The following TRPM3 variants were observed in gnomAD, a reference collection of about 807,000 sequenced individuals.
TRPM3 encodes the protein transient receptor potential cation channel subfamily M member 3.
TRPM3 carries 77 observed loss-of-function variants against 181.2 expected under a neutral mutation model. That is an observed-to-expected ratio of 0.42 (90% CI 0.35 to 0.51). TRPM3 has a LOEUF of 0.51. TRPM3 is among the 20% of genes least tolerant of loss of function. TRPM3 has a pLI of 0.01. For missense variants in TRPM3, 1,759 were observed against 2,196.7 expected (o/e 0.80, Z 3.98); for synonymous variants, 745 against 796.4 (o/e 0.94, Z 1.09).
At chr9:70,540,729 T>A (rs2131639867) in intron 25 of TRPM3, among the ~76,000 whole-genome samples, 1 of 152,276 alleles carries the variant, frequency 6.6e-6, no homozygotes, top group Middle Eastern at 3.4e-3. Flanking sequence ...TATTTTTATT[T>A]TATTTTTTCC....
intron 9 of TRPM3, among the ~76,000 whole-genome samples, chr9:70,641,315 A>G (rs1171285696): frequency 6.6e-6 from 1 of 152,190 alleles, no homozygotes; most frequent in Non-Finnish European, 1.5e-5. Context: ...CTCAAGTTTG[A>G]GAAACTCTGC....
chr9:71,020,478 A>G (rs1004024898), intron 1 of TRPM3, among the ~76,000 whole-genome samples: 2 of 124,176 alleles, frequency 1.6e-5, no homozygotes, highest in East Asian at 5.6e-4. Flanking sequence ...CCCCGTCTTG[A>G]AAAAAAAAAA....
rs1461667103 is a variant in TRPM3, at chr9:70,591,281, G to C, written c.3049-76C>G. ...GAGTGTTCTTATAATTGCTGACAATGATGGGAACCTTTGGAGGAGGTCCAC... is the reference window on the plus strand; with the variant it reads ...GAGTGTTCTTATAATTGCTGACAATCATGGGAACCTTTGGAGGAGGTCCAC... On this transcript the variant is annotated intron_variant, in intron 21 of 25. Coordinates refer to ENST00000677713, the MANE Select transcript of TRPM3 (RefSeq NM_001366145.2). 7 of 1,309,658 alleles carry C rather than the reference G, an allele frequency of 5.3e-6. No individual in the cohort carries two copies. In the East Asian group the frequency reaches 1.2e-4, roughly 22 times the overall value. The allele number at this position is 1,309,658 out of a possible 1,614,324, so 81.1% of individuals were successfully genotyped here. A position where few individuals can be genotyped will look rare whatever the true frequency, so the allele number is the denominator to read the frequency against.
intron 8 of TRPM3, among the ~76,000 whole-genome samples, chr9:70,745,095 C>T (rs1224837439): frequency 6.6e-6 from 1 of 152,116 alleles, no homozygotes. Context: ...ACATCATCAT[C>T]ACCATTGTTA....
upstream of TRPM3, among the ~76,000 whole-genome samples, chr9:71,123,927 T>A (rs927296062): frequency 2.0e-5 from 3 of 152,202 alleles, no homozygotes; most frequent in African/African-American, 7.2e-5. Context: ...AATGACAGCA[T>A]CATTCTGAAA....
chr9:70,925,638 C>A (rs565333313), intron 1 of TRPM3, among the ~76,000 whole-genome samples: 7 of 152,090 alleles, frequency 4.6e-5, no homozygotes, highest in African/African-American at 1.7e-4. Flanking sequence ...TTACTTCCCA[C>A]CAATTAAGTT....
intron 3 of TRPM3, among the ~76,000 whole-genome samples, chr9:70,848,023 C>A (rs1055942963): frequency 6.6e-6 from 1 of 151,776 alleles, no homozygotes; most frequent in Non-Finnish European, 1.5e-5. Context: ...GAATGAGAAC[C>A]AATAGAAACA....
chr9:70,591,926 T>C (rs917997040), intron 21 of TRPM3, among the ~76,000 whole-genome samples: 1 of 152,228 alleles, frequency 6.6e-6, no homozygotes, highest in Non-Finnish European at 1.5e-5. Context: ...TCATGCACCC[T>C]AATGACTCAG....
At chr9:70,986,881 G>T (rs2097427328) in intron 1 of TRPM3, among the ~76,000 whole-genome samples, 1 of 151,778 alleles carries the variant, frequency 6.6e-6, no homozygotes, top group Non-Finnish European at 1.5e-5. Flanking sequence ...ACCAAAAGTG[G>T]ATCAGTGTCT....
chr9:71,150,560 C>T (rs563278172), intron 1 of TRPM3, among the ~76,000 whole-genome samples: 9 of 152,100 alleles, frequency 5.9e-5, no homozygotes, highest in African/African-American at 2.2e-4. Context: ...CCAATACTAT[C>T]GAAACAGATC....
chr9:70,753,323 A>G (rs1024303632), intron 8 of TRPM3, among the ~76,000 whole-genome samples: 7 of 152,178 alleles, frequency 4.6e-5, no homozygotes, highest in African/African-American at 1.7e-4. Context: ...AGTATTTAAC[A>G]TATATAAAAA....
chr9:71,164,257 C>A (rs1184685921), intron 1 of TRPM3, among the ~76,000 whole-genome samples: 1 of 152,188 alleles, frequency 6.6e-6, no homozygotes, highest in African/African-American at 2.4e-5. Context: ...TTTGTTTTAA[C>A]AATTTGAAAT....
chr9:71,295,465 GCTTC>G (rs1240090726), intron 1 of TRPM3, among the ~76,000 whole-genome samples: 2 of 150,306 alleles, frequency 1.3e-5, no homozygotes, highest in Non-Finnish European at 3.0e-5. Context: ...ATCTATTTTG[GCTTC>G]CTTTTTTTTT....
intron 1 of TRPM3, among the ~76,000 whole-genome samples, chr9:71,043,259 T>C (rs1425363048): frequency 1.3e-5 from 2 of 152,142 alleles, no homozygotes; most frequent in African/African-American, 2.4e-5. Context: ...TGGTAGTTAG[T>C]GGGTGATTGA....
chr9:70,755,323 C>T (rs1395234369), intron 8 of TRPM3, among the ~76,000 whole-genome samples: 14 of 151,484 alleles, frequency 9.2e-5, no homozygotes, highest in East Asian at 5.8e-4. Flanking sequence ...AAGATCTCTC[C>T]GCAGAAACCC....
intron 8 of TRPM3, among the ~76,000 whole-genome samples, chr9:70,688,846 C>G (rs2134395662): frequency 6.6e-6 from 1 of 152,250 alleles, no homozygotes; most frequent in Non-Finnish European, 1.5e-5. Flanking sequence ...CCCTATGATT[C>G]TCTAAGCTTA....
At chr9:71,302,492 T>C (rs1023317427) in intron 1 of TRPM3, among the ~76,000 whole-genome samples, 4 of 152,238 alleles carry the variant, frequency 2.6e-5, no homozygotes, top group African/African-American at 7.2e-5. Context: ...TGCTGTTTGA[T>C]ATAATTTCAT....
chr9:70,763,864 A>G (rs1373916142), intron 7 of TRPM3, among the ~76,000 whole-genome samples: 3 of 151,978 alleles, frequency 2.0e-5, no homozygotes, highest in African/African-American at 7.3e-5. Flanking sequence ...TTCAGGGAAG[A>G]CTCTTCTGAG....
intron 1 of TRPM3, among the ~76,000 whole-genome samples, chr9:71,305,319 G>A (rs1277886409): frequency 6.6e-6 from 1 of 152,196 alleles, no homozygotes; most frequent in Non-Finnish European, 1.5e-5. Flanking sequence ...GATGGAGGCT[G>A]ATTTTTAGAC....
Sources: gnomAD v4.1 joint callset for allele counts (sites outside exome capture counted in the v4.1 genomes callset) on GRCh38, gnomAD v4.1.1 for gene constraint, MANE v1.5 for transcripts, NCBI Gene and HGNC (gene_info 2026-07-23, HGNC 2026-07-21) for gene names.